Variants in AFG1L observed in about 807,000 individuals in gnomAD.
AFG1L encodes AFG1 like ATPase.
In AFG1L, 53 loss-of-function variants were observed where a neutral mutation model predicts 62.2. The observed-to-expected ratio is 0.85, with a 90% CI of 0.68 to 1.07. AFG1L has a LOEUF of 1.07. Ranked by LOEUF, AFG1L falls within the 50% of genes least tolerant of loss-of-function variation. AFG1L has a pLI of 0.00. For missense variants in AFG1L, 555 were observed against 590.5 expected (o/e 0.94, Z 0.62); for synonymous variants, 228 against 210.3 (o/e 1.08, Z -0.73).
chr6:108,414,898 A>G (rs1490346699), intron 7 of AFG1L, among the ~76,000 whole-genome samples: 1 of 152,206 alleles, frequency 6.6e-6, no homozygotes, highest in African/African-American at 2.4e-5. Flanking sequence ...TCTATTCAAC[A>G]TAGTGTTAGA....
chr6:108,307,433 CAG>C (rs1474689275), intron 1 of AFG1L, among the ~76,000 whole-genome samples: 2 of 131,582 alleles, frequency 1.5e-5, no homozygotes, highest in Non-Finnish European at 3.2e-5. Context: ...TTTTTGGAAA[CAG>C]GGTTTTGCCC....
intron 1 of AFG1L, among the ~76,000 whole-genome samples, chr6:108,322,072 T>A (rs2077577): frequency 0.34 from 51,311 of 151,944 alleles, 10,763 homozygotes; most frequent in East Asian, 0.63. Flanking sequence ...AAATTTTTTT[T>A]AAATTTGTTA....
At chr6:108,495,965 T>G (rs906662707) in intron 10 of AFG1L, among the ~76,000 whole-genome samples, 1 of 152,352 alleles carries the variant, frequency 6.6e-6, no homozygotes, top group East Asian at 1.9e-4. Flanking sequence ...AGAATCAGCC[T>G]TAGATAATCC....
rs546124179 is a variant in AFG1L at position 108,515,893 on chromosome 6, A to G, written c.1204-3804A>G. Reference sequence around the variant, plus strand: ...AACACCTCTATGCAAATAAACTAGAAAATCTAGAAGAAATGGATAAGTTCC... The same window carrying G: ...AACACCTCTATGCAAATAAACTAGAGAATCTAGAAGAAATGGATAAGTTCC... On this transcript the variant is annotated intron_variant, in intron 11 of 12. Transcript: ENST00000368977. Among the ~76,000 whole-genome samples, 3 of 152,364 alleles carry G rather than the reference A, an allele frequency of 2.0e-5. No individual in the cohort carries two copies. In the South Asian group the frequency reaches 6.2e-4, roughly 32 times the overall value.
At chr6:108,471,403 T>G (rs1416333779) in intron 8 of AFG1L, among the ~76,000 whole-genome samples, 1 of 152,020 alleles carries the variant, frequency 6.6e-6, no homozygotes, top group Non-Finnish European at 1.5e-5. Context: ...CCTAAGATAG[T>G]ATTGGGCCAT....
chr6:108,295,275 T>C, intron 1 of AFG1L, 57 bp downstream of exon 1: 1 of 1,538,966 alleles, frequency 6.5e-7, no homozygotes, highest in South Asian at 1.2e-5. Flanking sequence ...GAGAAGCCTC[T>C]GGGATTACCC....
In AFG1L at chr6:108,295,129, G is replaced by T. The variant is rs367995474; in HGVS notation, c.50G>T (p.Ser17Ile). ...LLVTLRPLAQSPLRGRCVGCG... is the reference protein window; with the variant it reads ...LLVTLRPLAQIPLRGRCVGCG... Reference sequence around the variant, plus strand: ...GTTACCCTGCGCCCCTTAGCACAGAGCCCGCTGAGAGGGAGATGTGTTGGG... The same window carrying T: ...GTTACCCTGCGCCCCTTAGCACAGATCCCGCTGAGAGGGAGATGTGTTGGG... Residue 17 changes from serine to isoleucine, a missense_variant, in exon 1 of 13, where the codon AGC (serine) becomes ATC (isoleucine). Ser to Ile is a moderately radical substitution (Grantham distance 142). Coordinates refer to ENST00000368977, the MANE Select transcript of AFG1L (RefSeq NM_145315.5). 1.9e-6 allele frequency: 3 copies of T among 1,611,304 alleles called. No individual in the cohort carries two copies. Among genetic ancestry groups the T allele is most frequent in the East Asian group, 4.5e-5 (2 of 44,872 alleles).
chr6:108,462,485 A>G (rs1772500879), intron 8 of AFG1L, among the ~76,000 whole-genome samples: 1 of 152,214 alleles, frequency 6.6e-6, no homozygotes, highest in Non-Finnish European at 1.5e-5. Context: ...AATCTTTATT[A>G]ATTAATCTTG....
Position 108,387,918 on chromosome 6 carries a change from T to A in AFG1L, c.749-14078T>A, listed in dbSNP as rs193001944. 3.4e-5 allele frequency: 5 copies of A among 148,992 alleles called. No homozygotes were observed. The East Asian group carries it at 9.7e-4, about 29-fold the overall frequency. The allele number at this position is 148,992 out of a possible 1,614,324, so 9.2% of individuals were successfully genotyped here. A position where few individuals can be genotyped will look rare whatever the true frequency, so the allele number is the denominator to read the frequency against. The stretch of plus-strand genomic sequence containing the variant: ...AGCTAGAATTTTTTTATTTATTTAT[T>A]TTTTTTTTTAGTTTAAGAAAAGCAA... On this transcript the variant is annotated intron_variant, in intron 6 of 12. Transcript: ENST00000368977.
chr6:108,435,363 A>C (rs900969215), intron 7 of AFG1L, among the ~76,000 whole-genome samples: 1 of 152,168 alleles, frequency 6.6e-6, no homozygotes, highest in African/African-American at 2.4e-5. Flanking sequence ...GTGAGGCTCA[A>C]AAATGTCAAG....
rs1780492184 is a variant in AFG1L, at chr6:108,381,076, TAATCC to T, written c.748+14746_748+14750del. 2.6e-5 allele frequency among the ~76,000 whole-genome samples: 4 copies of T among 152,242 alleles called. No homozygotes were observed. The South Asian group carries it at 8.3e-4, about 31-fold the overall frequency. ...GTGTCTGAGGCAGGCTGAAAGCCGC[TAATCC>T]ACCATCTTGGAAAAAAGCCAACCAA... On this transcript the variant is annotated intron_variant, in intron 6 of 12. Coordinates refer to ENST00000368977, the MANE Select transcript of AFG1L (RefSeq NM_145315.5).
intron 10 of AFG1L, among the ~76,000 whole-genome samples, chr6:108,488,441 T>C (rs1229999737): frequency 2.6e-5 from 4 of 152,098 alleles, no homozygotes; most frequent in African/African-American, 9.7e-5. Flanking sequence ...ATTCTGTTGG[T>C]GCAAAGGTTG....
At chr6:108,446,234 C>T (rs980513809) in intron 7 of AFG1L, among the ~76,000 whole-genome samples, 1 of 151,916 alleles carries the variant, frequency 6.6e-6, no homozygotes, top group Non-Finnish European at 1.5e-5. Context: ...CACATATGCA[C>T]CCTGGGGGAA....
chr6:108,386,227 C>T (rs1231960620), intron 6 of AFG1L, among the ~76,000 whole-genome samples: 1 of 151,946 alleles, frequency 6.6e-6, no homozygotes, highest in African/African-American at 2.4e-5. Flanking sequence ...TTTGGGAGGC[C>T]AAGGCGGGTG....
chr6:108,354,344 T>TTGTCGCC, intron 3 of AFG1L, among the ~76,000 whole-genome samples: 1 of 152,150 alleles, frequency 6.6e-6, no homozygotes, highest in East Asian at 1.9e-4. Flanking sequence ...AGTCTCTCTC[T>TTGTCGCC]TGTCGCCCAG....
chr6:108,517,383 A>G (rs1233793717), intron 11 of AFG1L, among the ~76,000 whole-genome samples: 2 of 152,246 alleles, frequency 1.3e-5, no homozygotes, highest in East Asian at 3.8e-4. Flanking sequence ...GACAAACCTG[A>G]CAAAAACAAG....
At chr6:108,449,747 C>T (rs1771974639) in intron 8 of AFG1L, among the ~76,000 whole-genome samples, 1 of 152,116 alleles carries the variant, frequency 6.6e-6, no homozygotes, top group Non-Finnish European at 1.5e-5. Context: ...GCTATCCCTT[C>T]CCCCTCTCCC....
chr6:108,516,610 C>G (rs904114811), intron 11 of AFG1L, among the ~76,000 whole-genome samples: 26 of 152,328 alleles, frequency 1.7e-4, no homozygotes, highest in African/African-American at 5.3e-4. Context: ...GATGCCCTCT[C>G]TCACCACTCC....
At chr6:108,395,066 A>G (rs937099307) in intron 6 of AFG1L, among the ~76,000 whole-genome samples, 8 of 152,176 alleles carry the variant, frequency 5.3e-5, no homozygotes, top group Non-Finnish European at 1.0e-4. Context: ...GGCCAGCATT[A>G]TTTTACCTTT....
Sources: allele counts gnomAD v4.1 joint callset (sites outside exome capture counted in the v4.1 genomes callset), GRCh38; gene constraint gnomAD v4.1.1; transcripts MANE v1.5; gene names NCBI Gene and HGNC (gene_info 2026-07-23, HGNC 2026-07-21).